KIF26B: variants seen among roughly 807,000 people sequenced by gnomAD.
The protein encoded by KIF26B is kinesin family member 26B, also known as kinesin-like protein KIF26B.
In KIF26B, 63 loss-of-function variants were observed where a neutral mutation model predicts 151.2. That is an observed-to-expected ratio of 0.42 (90% CI 0.34 to 0.51). The LOEUF (loss-of-function observed/expected upper bound fraction) is 0.51. Among genes scored for constraint, KIF26B ranks in the 20% least tolerant of loss-of-function variants. The probability of loss-of-function intolerance (pLI) is 0.07; values close to 1 mark genes in which losing one functional copy is unlikely to be tolerated. For synonymous variants in KIF26B, 1,357 were observed against 1,262.1 expected, an observed-to-expected ratio of 1.08 and a Z score of -1.59; for missense variants, 2,813 against 2,913.6, an observed-to-expected ratio of 0.97 and a Z score of 0.79.
Position 245,367,377 on chromosome 1 carries a change from C to G in KIF26B, c.999+10C>G. On this transcript the variant is annotated intron_variant, in intron 3 of 14. Coordinates refer to ENST00000407071, the MANE Select transcript of KIF26B (RefSeq NM_018012.4). This position sits in a 1 kb window ranked among gnomAD's most constrained non-coding sequence, Gnocchi z 4.2. ...CCTGTACCCATACCAGGTAAGTAGC[C>G]TGTGTGAGCCAGGAAGAGCAGGGCT... 1 of 1,572,736 alleles carries G rather than the reference C, an allele frequency of 6.4e-7. No individual in the cohort carries two copies. Among genetic ancestry groups the G allele is most frequent in the Non-Finnish European group, 8.6e-7 (1 of 1,157,672 alleles).
At chr1:245,308,760 TGAATG>T (rs1558383580) in intron 2 of KIF26B, among the ~76,000 whole-genome samples, 2 of 151,568 alleles carry the variant, frequency 1.3e-5, no homozygotes, top group African/African-American at 4.9e-5. Flanking sequence ...AACAAAAACA[TGAATG>T]GAACAAGAAA....
chr1:245,403,008 G>T (rs942879022), intron 3 of KIF26B, among the ~76,000 whole-genome samples: 1 of 152,140 alleles, frequency 6.6e-6, no homozygotes, highest in African/African-American at 2.4e-5. Context: ...TCACTCTGTT[G>T]CCCATGCTGG....
At chr1:245,399,344 T>A (rs559612255) in intron 3 of KIF26B, among the ~76,000 whole-genome samples, 1 of 152,196 alleles carries the variant, frequency 6.6e-6, no homozygotes, top group Non-Finnish European at 1.5e-5. Context: ...CTATGTGAAG[T>A]GTTTTCCTGT....
In KIF26B at chr1:245,688,509, G is replaced by A. The variant is rs1251242477; in HGVS notation, c.5526G>A (p.Ala1842=). 1.1e-5 allele frequency: 16 copies of A among 1,494,196 alleles called. 1 individual carries two copies. In the Admixed American group the frequency reaches 3.3e-4, roughly 31 times the overall value. 92.6% of individuals were successfully genotyped at this position (1,494,196 alleles called of 1,614,324 possible). A position where few individuals can be genotyped will look rare whatever the true frequency, so the allele number is the denominator to read the frequency against. Residue 1842 remains alanine, a synonymous_variant, in exon 12 of 15, where the codon GCG becomes GCA. Transcript: ENST00000407071. The part of the protein sequence containing the change: ...RGGALAEDEP[A]AAHLLPSPYS... ...GGGCCCTGGCCGAGGACGAGCCCGC[G>A]GCCGCGCACCTGCTCCCGTCGCCCT...
At position 245,688,540 on chromosome 1, in the gene KIF26B, A is replaced by G. The variant is rs2044572700; in HGVS notation, c.5557A>G (p.Lys1853Glu). 3.2e-6 allele frequency: 5 copies of G among 1,539,088 alleles called. No homozygotes were observed. Among genetic ancestry groups the G allele is most frequent in the Non-Finnish European group, 4.4e-6 (5 of 1,145,352 alleles). Residue 1853 changes from lysine to glutamate, a missense_variant, in exon 12 of 15, where the codon AAG becomes GAG. Around this residue, in one of 3 missense-constraint regions of KIF26B, gnomAD observed 2,060 missense variants for 2,088.6 expected, o/e 0.99. Transcript: ENST00000407071. ...GCACCTGCTCCCGTCGCCCTACAGC[A>G]AGATCACGCCCCCGCGGAGGCCCCA... Reference protein sequence around the residue: ...AAHLLPSPYSKITPPRRPHRC... With the variant: ...AAHLLPSPYSEITPPRRPHRC...
At chr1:245,354,238 C>A (rs922720927) in intron 2 of KIF26B, among the ~76,000 whole-genome samples, 2 of 152,166 alleles carry the variant, frequency 1.3e-5, no homozygotes, top group Non-Finnish European at 2.9e-5. Flanking sequence ...GATGACTTTG[C>A]CTTATCGTGG....
intron 9 of KIF26B, among the ~76,000 whole-genome samples, chr1:245,636,813 C>A (rs76022724): frequency 0.029 from 4,363 of 151,778 alleles, 211 homozygotes; most frequent in African/African-American, 0.099. Context: ...ATCCATGTTG[C>A]TTAAAATGAC....
In KIF26B at chr1:245,601,093, G is replaced by T. The variant is rs931610189; in HGVS notation, c.1351-1484G>T. Among the ~76,000 whole-genome samples the T allele has an allele frequency of 1.3e-5, 2 of 152,096 alleles. No homozygotes were observed. The highest frequency in any genetic ancestry group is 2.9e-5 in the Non-Finnish European group (2 of 68,000). ...AACAGCATAGTCCTGGCATATGAGA[G>T]AAAATGGCAGGGATCTTTCTATGAC... On this transcript the variant is annotated intron_variant, in intron 5 of 14. Coordinates refer to ENST00000407071, the MANE Select transcript of KIF26B (RefSeq NM_018012.4). The surrounding 1 kb of genome is among the most constrained non-coding windows in gnomAD (Gnocchi z 4.4).
At chr1:245,695,206 G>A (rs10802247) in intron 12 of KIF26B, among the ~76,000 whole-genome samples, 97,354 of 151,962 alleles carry the variant, frequency 0.64, 32,818 homozygotes, top group Middle Eastern at 0.79. Flanking sequence ...CCCCAGACCA[G>A]GACCCTCGGG....
At chr1:245,336,877 A>T (rs1480702776) in intron 2 of KIF26B, among the ~76,000 whole-genome samples, 1 of 152,208 alleles carries the variant, frequency 6.6e-6, no homozygotes, top group Non-Finnish European at 1.5e-5. Flanking sequence ...CTCCCAGATC[A>T]CAGGAATGTA....
intron 5 of KIF26B, among the ~76,000 whole-genome samples, chr1:245,586,989 C>T (rs2043234938): frequency 1.3e-5 from 2 of 152,100 alleles, no homozygotes; most frequent in South Asian, 4.1e-4. Context: ...TCATTTAATC[C>T]TCATCACAAC....
At chr1:245,621,179 G>A (rs2043655099) in intron 9 of KIF26B, among the ~76,000 whole-genome samples, 1 of 152,152 alleles carries the variant, frequency 6.6e-6, no homozygotes, top group Admixed American at 6.5e-5. Context: ...TGATTCCAAC[G>A]GGCAGCAAAG....
intron 2 of KIF26B, among the ~76,000 whole-genome samples, chr1:245,225,061 C>A (rs919318630): frequency 6.6e-6 from 1 of 152,166 alleles, no homozygotes; most frequent in Non-Finnish European, 1.5e-5. Flanking sequence ...CACCATTTTA[C>A]ACTTCTACCA....
chr1:245,242,240 C>CA (rs1228387388), intron 2 of KIF26B, among the ~76,000 whole-genome samples: 1 of 152,092 alleles, frequency 6.6e-6, no homozygotes, highest in Non-Finnish European at 1.5e-5. Flanking sequence ...CTTCCCCCCC[C>CA]AAAATAGGGA....
chr1:245,193,396 C>G (rs1338281991), intron 2 of KIF26B, among the ~76,000 whole-genome samples: 1 of 152,188 alleles, frequency 6.6e-6, no homozygotes, highest in African/African-American at 2.4e-5. Context: ...TACTTGACTT[C>G]TTATTGCCAT....
intron 5 of KIF26B, among the ~76,000 whole-genome samples, chr1:245,585,863 G>C (rs960570626): frequency 6.6e-6 from 1 of 152,080 alleles, no homozygotes; most frequent in African/African-American, 2.4e-5. Context: ...CTTAACTACA[G>C]TTGTGTCATC....
At chr1:245,545,097 C>G (rs1271611085) in intron 5 of KIF26B, among the ~76,000 whole-genome samples, 1 of 138,538 alleles carries the variant, frequency 7.2e-6, no homozygotes, top group African/African-American at 2.8e-5. Flanking sequence ...TCCTGATACA[C>G]AGCAATTTTT....
intron 9 of KIF26B, among the ~76,000 whole-genome samples, chr1:245,612,662 A>G (rs1320325390): frequency 6.6e-6 from 1 of 152,132 alleles, no homozygotes; most frequent in Non-Finnish European, 1.5e-5. Context: ...TTATCCACCA[A>G]AGCACTCCGG....
intron 4 of KIF26B, among the ~76,000 whole-genome samples, chr1:245,471,937 G>A (rs974656314): frequency 4.6e-5 from 7 of 151,946 alleles, no homozygotes; most frequent in Admixed American, 6.6e-5. Flanking sequence ...GATTACAGGC[G>A]CCCGCCACCA....
Sources: allele counts gnomAD v4.1 joint callset (sites outside exome capture counted in the v4.1 genomes callset), GRCh38; gene constraint gnomAD v4.1.1; regional missense constraint gnomAD v4.1.1; non-coding constraint Gnocchi (gnomAD v3.1); transcripts MANE v1.5; gene names NCBI Gene and HGNC (gene_info 2026-07-23, HGNC 2026-07-21).